Variants in ZFPM2 observed in about 807,000 individuals in gnomAD.
ZFPM2 encodes zinc finger protein, FOG family member 2.
A neutral mutation model predicts 98.6 loss-of-function variants in ZFPM2; 20 were observed. That is an observed-to-expected ratio of 0.20 (90% CI 0.14 to 0.29). The LOEUF is 0.29. Among genes scored for constraint, ZFPM2 ranks in the 10% least tolerant of loss-of-function variants. ZFPM2 has a pLI of 1.00. For synonymous variants in ZFPM2, 518 were observed against 502.7 expected (o/e 1.03, Z -0.41); for missense variants, 1,310 against 1,388.6 (o/e 0.94, Z 0.90).
At chr8:105,486,781 A>G (rs1000635911) in intron 3 of ZFPM2, among the ~76,000 whole-genome samples, 1 of 152,196 alleles carries the variant, frequency 6.6e-6, no homozygotes, top group African/African-American at 2.4e-5. Flanking sequence ...TGCAATGAAA[A>G]ATATGTTTGT....
intron 5 of ZFPM2, among the ~76,000 whole-genome samples, chr8:105,698,023 G>A (rs1436839970): frequency 6.6e-6 from 1 of 152,140 alleles, no homozygotes; most frequent in East Asian, 1.9e-4. Flanking sequence ...TTGATATATT[G>A]TAATATGTTC....
chr8:105,458,596 T>C (rs1329567334), intron 3 of ZFPM2, among the ~76,000 whole-genome samples: 1 of 152,186 alleles, frequency 6.6e-6, no homozygotes, highest in African/African-American at 2.4e-5. Context: ...GTAGGCTATA[T>C]GCCAAATAAT....
intron 1 of ZFPM2, among the ~76,000 whole-genome samples, chr8:105,409,199 T>C (rs1374500236): frequency 2.0e-5 from 3 of 151,900 alleles, no homozygotes; most frequent in Admixed American, 1.3e-4. Flanking sequence ...TGGAAGGTTT[T>C]GCTCTTCAGA....
chr8:105,802,900 C>A lies in ZFPM2; in HGVS notation c.2818C>A (p.Gln940Lys). The A allele has an allele frequency of 6.2e-7, 1 of 1,613,738 alleles. No individual in the cohort carries two copies. The highest frequency in any genetic ancestry group is 8.5e-7 in the Non-Finnish European group (1 of 1,179,824). The change falls in exon 8 of 8, where the codon CAA becomes AAA. Residue 940 changes from glutamine (Q) to lysine (K), a missense_variant. Gln to Lys is a moderately conservative substitution (Grantham distance 53). Transcript: ENST00000407775. Reference protein sequence around the residue: ...NLFSSHLATLQGLKVFSEAAQ... With the variant: ...NLFSSHLATLKGLKVFSEAAQ... ...ATTTTCATCCCACCTAGCAACCCTGCAAGGCTTGAAGGTCTTTAGTGAAGC... is the reference window on the plus strand; with the variant it reads ...ATTTTCATCCCACCTAGCAACCCTGAAAGGCTTGAAGGTCTTTAGTGAAGC...
At chr8:105,421,703 T>C (rs1811795572) in intron 2 of ZFPM2, among the ~76,000 whole-genome samples, 1 of 152,184 alleles carries the variant, frequency 6.6e-6, no homozygotes, top group Admixed American at 6.6e-5. Flanking sequence ...TTTTTCTCAG[T>C]GACGCATAAT....
intron 4 of ZFPM2, among the ~76,000 whole-genome samples, chr8:105,612,451 G>A (rs1409716402): frequency 1.3e-5 from 2 of 152,064 alleles, no homozygotes; most frequent in Non-Finnish European, 2.9e-5. Context: ...CCTGGTAAAG[G>A]TGAAAAATGT....
At chr8:105,663,223 A>G (rs1730057055) in intron 5 of ZFPM2, among the ~76,000 whole-genome samples, 1 of 152,150 alleles carries the variant, frequency 6.6e-6, no homozygotes, top group Non-Finnish European at 1.5e-5. Context: ...TGGAGTTTAC[A>G]GTTTAGTCGT....
chr8:105,783,850 G>A (rs1196885054), intron 5 of ZFPM2, among the ~76,000 whole-genome samples: 2 of 151,990 alleles, frequency 1.3e-5, no homozygotes, highest in East Asian at 3.9e-4. Flanking sequence ...TATGAGCCTG[G>A]CTGTTCAAAT....
chr8:105,578,905 T>A (rs186497778), intron 4 of ZFPM2, among the ~76,000 whole-genome samples: 1 of 152,134 alleles, frequency 6.6e-6, no homozygotes, highest in Non-Finnish European at 1.5e-5. Flanking sequence ...ATAGTTTCCA[T>A]TGATATTTAC....
Position 105,318,471 on chromosome 8 carries a change from GCGGCGCCGGAGTATCCGTCC to G in ZFPM2, c.-468_-449del, listed in dbSNP as rs1444200500. Among the ~76,000 whole-genome samples the G allele has an allele frequency of 6.6e-6, 1 of 151,068 alleles. No homozygotes were observed. Among genetic ancestry groups the G allele is most frequent in the African/African-American group, 2.4e-5 (1 of 41,250 alleles). ...AGCTGCGCGGCCCGGAGCGGCGGCGGCGGCGCCGGAGTATCCGTCCCGCACGCCGGGGCGAGGGGCGAGCG... is the reference window on the plus strand; with the variant it reads ...AGCTGCGCGGCCCGGAGCGGCGGCGGCGCACGCCGGGGCGAGGGGCGAGCG... On this transcript the variant is annotated 5_prime_UTR_variant, in exon 1 of 8. Transcript: ENST00000407775.
intron 1 of ZFPM2, among the ~76,000 whole-genome samples, chr8:105,407,109 T>A (rs1811476399): frequency 1.4e-5 from 1 of 69,404 alleles, no homozygotes; most frequent in Admixed American, 1.7e-4. Flanking sequence ...AATGCTCTAA[T>A]TTTTTTTTTT....
intron 3 of ZFPM2, among the ~76,000 whole-genome samples, chr8:105,553,914 G>T (rs1192428739): frequency 1.3e-5 from 2 of 152,006 alleles, no homozygotes; most frequent in Non-Finnish European, 2.9e-5. Flanking sequence ...TTCATTTAGT[G>T]ACAACTTCCA....
intron 3 of ZFPM2, among the ~76,000 whole-genome samples, chr8:105,485,973 G>A (rs1383869371): frequency 6.6e-6 from 1 of 152,044 alleles, no homozygotes; most frequent in African/African-American, 2.4e-5. Flanking sequence ...TTAGATACTA[G>A]AGCAGGTTCA....
At chr8:105,701,756 A>G (rs1447035961) in intron 5 of ZFPM2, among the ~76,000 whole-genome samples, 1 of 152,214 alleles carries the variant, frequency 6.6e-6, no homozygotes, top group East Asian at 1.9e-4. Context: ...TAAAGTTTCT[A>G]CTATAAAGAA....
chr8:105,648,095 T>C (rs1215800434), intron 5 of ZFPM2, among the ~76,000 whole-genome samples: 1 of 152,218 alleles, frequency 6.6e-6, no homozygotes, highest in Non-Finnish European at 1.5e-5. Flanking sequence ...TGGTATCTCA[T>C]TGTGGTTTTG....
intron 5 of ZFPM2, among the ~76,000 whole-genome samples, chr8:105,771,931 C>CTAATGTTCT (rs1477391700): frequency 6.6e-6 from 1 of 152,086 alleles, no homozygotes; most frequent in Non-Finnish European, 1.5e-5. Flanking sequence ...GTGAGAGATG[C>CTAATGTTCT]TAATGTTCTT....
intron 3 of ZFPM2, among the ~76,000 whole-genome samples, chr8:105,534,975 C>T (rs58222876): frequency 0.05 from 7,678 of 152,126 alleles, 256 homozygotes; most frequent in African/African-American, 0.11. Flanking sequence ...ACATTGAGAC[C>T]ATAAGATGGC....
intron 1 of ZFPM2, among the ~76,000 whole-genome samples, chr8:105,402,163 A>G (rs1276537921): frequency 6.6e-6 from 1 of 151,748 alleles, no homozygotes; most frequent in Admixed American, 6.6e-5. Flanking sequence ...GCCTTTCTAT[A>G]TTTTCCTTTT....
intron 1 of ZFPM2, among the ~76,000 whole-genome samples, chr8:105,385,876 G>A (rs1475787089): frequency 6.6e-6 from 1 of 152,160 alleles, no homozygotes; most frequent in Non-Finnish European, 1.5e-5. Flanking sequence ...ACATAGGGAA[G>A]AATGGTGTAG....
Sources: allele counts gnomAD v4.1 joint callset (sites outside exome capture counted in the v4.1 genomes callset), GRCh38; gene constraint gnomAD v4.1.1; transcripts MANE v1.5; gene names NCBI Gene and HGNC (gene_info 2026-07-23, HGNC 2026-07-21).